CEP164: variants seen among roughly 807,000 people sequenced by gnomAD.
The protein encoded by CEP164 is centrosomal protein of 164 kDa.
In CEP164, 162 loss-of-function variants were observed where a neutral mutation model predicts 182.7. The ratio of observed to expected loss-of-function variants is 0.89; its 90% CI spans 0.78 to 1.01. The LOEUF is 1.01. Ranked by LOEUF, CEP164 falls within the 50% of genes least tolerant of loss-of-function variation. The probability of loss-of-function intolerance (pLI) is 0.00; values close to 1 mark genes in which losing one functional copy is unlikely to be tolerated. For synonymous variants in CEP164, 661 were observed against 690.0 expected, an observed-to-expected ratio of 0.96 and a Z score of 0.66; for missense variants, 1,735 against 1,790.4, an observed-to-expected ratio of 0.97 and a Z score of 0.56.
chr11:117,388,791 A>G (rs997481310), intron 15 of CEP164, among the ~76,000 whole-genome samples: 18 of 150,024 alleles, frequency 1.2e-4, no homozygotes, highest in Admixed American at 2.0e-4. Context: ...TTTTTGAGAC[A>G]GAGTCTTGCT....
At chr11:117,407,111 G>T (rs2046776371) in intron 27 of CEP164, among the ~76,000 whole-genome samples, 1 of 152,038 alleles carries the variant, frequency 6.6e-6, no homozygotes, top group South Asian at 2.1e-4. Context: ...AAAGAGAAAA[G>T]AAATGGTGTT....
intron 4 of CEP164, 122 bp downstream of exon 4, chr11:117,344,399 C>T: frequency 1.6e-6 from 1 of 636,486 alleles, no homozygotes. Context: ...AGGGACAGTA[C>T]TGTGCCACCC....
rs150909827 is a variant in CEP164, at chr11:117,398,375, T to C, written c.3501+1062T>C. 6.7e-4 allele frequency among the ~76,000 whole-genome samples: 102 copies of C among 152,308 alleles called. 1 individual carries two copies. In the East Asian group the frequency reaches 0.019, roughly 28 times the overall value. ...AGTATCTGCGGCTTTTTGAGGTGCATAGTGCAAGCTATTGACGGATCTACC... is the reference window on the plus strand; with the variant it reads ...AGTATCTGCGGCTTTTTGAGGTGCACAGTGCAAGCTATTGACGGATCTACC... On this transcript the variant is annotated intron_variant, in intron 27 of 32. Coordinates refer to ENST00000278935, the MANE Select transcript of CEP164 (RefSeq NM_014956.5).
At chr11:117,352,746 C>G (rs928288948) in intron 5 of CEP164, among the ~76,000 whole-genome samples, 24 of 152,170 alleles carry the variant, frequency 1.6e-4, no homozygotes, top group Non-Finnish European at 2.9e-5. Flanking sequence ...GCCACCACGC[C>G]TGGCTAATTT....
chr11:117,339,337 G>A (rs765718510), intron 3 of CEP164, among the ~76,000 whole-genome samples: 1 of 152,000 alleles, frequency 6.6e-6, no homozygotes, highest in Non-Finnish European at 1.5e-5. Context: ...ACATAGTAGG[G>A]GGTATCTAAA....
At chr11:117,343,629 CTTTTTTTT>C (rs558296878) in intron 3 of CEP164, among the ~76,000 whole-genome samples, 1 of 129,722 alleles carries the variant, frequency 7.7e-6, no homozygotes, top group African/African-American at 2.9e-5. Context: ...TATTTTTTGC[CTTTTTTTT>C]TTTTTTTTTT....
chr11:117,346,809 A>C (rs1245620856), intron 4 of CEP164, among the ~76,000 whole-genome samples: 2 of 151,740 alleles, frequency 1.3e-5, no homozygotes, highest in East Asian at 3.9e-4. Context: ...GGCTGCAGTG[A>C]GCCGAGACTG....
At chr11:117,363,358 C>A in intron 7 of CEP164, 71 bp from the exon 8 acceptor site, 1 of 1,158,414 alleles carries the variant, frequency 8.6e-7, no homozygotes, top group Non-Finnish European at 1.3e-6. Flanking sequence ...CCACTTTTCC[C>A]TCTGCACACC....
At chr11:117,364,426 T>G (rs1278623952) in intron 8 of CEP164, among the ~76,000 whole-genome samples, 2 of 152,200 alleles carry the variant, frequency 1.3e-5, no homozygotes, top group Admixed American at 6.5e-5. Flanking sequence ...TCTGACTTGT[T>G]TCTTGGAAAT....
chr11:117,361,163 G>A (rs1020487338), intron 5 of CEP164, among the ~76,000 whole-genome samples: 7 of 146,082 alleles, frequency 4.8e-5, no homozygotes, highest in Non-Finnish European at 7.5e-5. Context: ...TTGAACTCCT[G>A]ATCTCAGGTG....
At chr11:117,364,872 T>A (rs1191695041) in intron 8 of CEP164, among the ~76,000 whole-genome samples, 1 of 152,230 alleles carries the variant, frequency 6.6e-6, no homozygotes, top group African/African-American at 2.4e-5. Context: ...CACAGTCAGA[T>A]ACCTTTTGAT....
Position 117,412,974 on chromosome 11 carries a change from C to T in CEP164, c.*806C>T, listed in dbSNP as rs1195597472. 4 of 152,258 alleles carry T rather than the reference C, an allele frequency of 2.6e-5. No individual in the cohort carries two copies. Among genetic ancestry groups the T allele is most frequent in the Non-Finnish European group, 5.9e-5 (4 of 68,064 alleles). 9.4% of individuals were successfully genotyped at this position (152,258 alleles called of 1,614,324 possible). On this transcript the variant is annotated 3_prime_UTR_variant, in exon 33 of 33. Coordinates refer to ENST00000278935, the MANE Select transcript of CEP164 (RefSeq NM_014956.5). ...GGTCCTCATGATGGCTTTTATCCTC[C>T]TGGGACACTTTGGGTATATTCATGG... is the stretch of plus-strand genomic sequence containing the variant.
chr11:117,405,524 G>A (rs2046581466), intron 27 of CEP164, among the ~76,000 whole-genome samples: 1 of 152,110 alleles, frequency 6.6e-6, no homozygotes, highest in African/African-American at 2.4e-5. Flanking sequence ...GGGTACCTCA[G>A]TTAGAAATGC....
At chr11:117,402,698 GGA>G (rs2046280679) in intron 27 of CEP164, among the ~76,000 whole-genome samples, 1 of 152,236 alleles carries the variant, frequency 6.6e-6, no homozygotes, top group African/African-American at 2.4e-5. Flanking sequence ...GATTTGGAGT[GGA>G]GAGTTCTGTG....
chr11:117,352,117 A>G (rs186319851), intron 5 of CEP164, 129 bp downstream of exon 5: 51 of 781,590 alleles, frequency 6.5e-5, no homozygotes, highest in Admixed American at 3.8e-4. Flanking sequence ...TTGATAGTAT[A>G]TCATCTAAAC....
intron 3 of CEP164, among the ~76,000 whole-genome samples, chr11:117,339,522 GTTTTTTTTTTTTTTTT>G (rs61258101): frequency 8.9e-5 from 5 of 56,200 alleles, no homozygotes; most frequent in Non-Finnish European, 1.5e-4. Flanking sequence ...TTTGTTTTTT[GTTTTTTTTTTTTTTTT>G]TTTTTTTTGA....
intron 5 of CEP164, chr11:117,356,483 G>A (rs1259483269): frequency 9.3e-6 from 12 of 1,285,972 alleles, no homozygotes; most frequent in African/African-American, 3.0e-5. Context: ...GGTGGCCCTC[G>A]CCCCTGCTTG....
rs770827539 is a variant in CEP164, at chr11:117,363,449, G to T, written c.708G>T (p.Glu236Asp). Residue 236 changes from glutamate (E) to aspartate (D), a missense_variant, in exon 8 of 33, where the codon GAG becomes GAT. Glu to Asp is a conservative substitution (Grantham distance 45, BLOSUM62 2). Coordinates refer to ENST00000278935, the MANE Select transcript of CEP164 (RefSeq NM_014956.5). ...TCTAGAGTGTCCACAGCTCAAGTGA[G>T]CCTCTTAGGAACCTACACCTGGACA... ...SDNQSVHSSS[E>D]PLRNLHLDIG... 2 of 1,614,000 alleles carry T rather than the reference G, an allele frequency of 1.2e-6. No individual in the cohort carries two copies. Among genetic ancestry groups the T allele is most frequent in the South Asian group, 2.2e-5 (2 of 91,080 alleles).
intron 8 of CEP164, among the ~76,000 whole-genome samples, chr11:117,369,450 T>C (rs1187913444): frequency 1.3e-5 from 2 of 152,252 alleles, no homozygotes; most frequent in Non-Finnish European, 2.9e-5. Context: ...ATGACTCTGC[T>C]TTACTGACCT....
Sources: gnomAD v4.1 joint callset for allele counts (sites outside exome capture counted in the v4.1 genomes callset) on GRCh38, gnomAD v4.1.1 for gene constraint, MANE v1.5 for transcripts, NCBI Gene and HGNC (gene_info 2026-07-23, HGNC 2026-07-21) for gene names.